SORCS2: variants seen among roughly 807,000 people sequenced by gnomAD.
SORCS2 encodes the protein VPS10 domain-containing receptor SorCS2.
Under a neutral mutation model 141.6 loss-of-function variants are expected in SORCS2, and 100 were observed. The observed-to-expected ratio is 0.71, with a 90% confidence interval of 0.60 to 0.83. The LOEUF (loss-of-function observed/expected upper bound fraction) is 0.83. Among genes scored for constraint, SORCS2 ranks in the 40% least tolerant of loss-of-function variants. The pLI is 0.00. For synonymous variants in SORCS2, 789 were observed against 676.9 expected (o/e 1.17, Z -2.57); for missense variants, 1,646 against 1,560.2 (o/e 1.05, Z -0.93).
At chr4:7,698,756 G>C (rs1013977343) in intron 12 of SORCS2, among the ~76,000 whole-genome samples, 2 of 152,278 alleles carry the variant, frequency 1.3e-5, no homozygotes, top group African/African-American at 4.8e-5. Context: ...ATGGCGCAGT[G>C]CAGGAAGGAG....
At chr4:7,733,244 G>C (rs1711848841) in intron 23 of SORCS2, 78 bp from the exon 24 acceptor site, 1 of 1,101,252 alleles carries the variant, frequency 9.1e-7, no homozygotes, top group African/African-American at 1.7e-5. Flanking sequence ...CCCTCCTGGA[G>C]GAGGACCCCA....
chr4:7,301,693 C>T (rs1382824160), intron 1 of SORCS2, among the ~76,000 whole-genome samples: 1 of 152,228 alleles, frequency 6.6e-6, no homozygotes, highest in Non-Finnish European at 1.5e-5. Flanking sequence ...TTTGTGGCCC[C>T]AGCAGAAAAT....
chr4:7,259,717 G>A (rs1490994583), intron 1 of SORCS2, among the ~76,000 whole-genome samples: 1 of 152,202 alleles, frequency 6.6e-6, no homozygotes, highest in Non-Finnish European at 1.5e-5. Context: ...TCCATTTCCT[G>A]TTTCTCTTCT....
rs190379749 is a variant in SORCS2 at position 7,361,215 on chromosome 4, G to T, written c.481-35073G>T. ...TTATGCCTAATTGTGCCACATAGAT[G>T]CCAAGTGGATTTTTCAATGATGATT... On this transcript the variant is annotated intron_variant, in intron 1 of 26. Coordinates refer to ENST00000507866, the MANE Select transcript of SORCS2 (RefSeq NM_020777.3). Among the ~76,000 whole-genome samples, 369 of 152,308 alleles carry T rather than the reference G, an allele frequency of 2.4e-3. 15 individuals are homozygous for T. Among genetic ancestry groups the T allele is most frequent in the Admixed American group, 0.024 (366 of 15,296 alleles).
chr4:7,197,626 G>A (rs1727247471), intron 1 of SORCS2, among the ~76,000 whole-genome samples: 2 of 152,160 alleles, frequency 1.3e-5, no homozygotes, highest in South Asian at 2.1e-4. Flanking sequence ...AGGTCTGGGG[G>A]GTAGGAATTT....
At chr4:7,485,523 ATCTCCTCTAGCT>A (rs1363027678) in intron 2 of SORCS2, among the ~76,000 whole-genome samples, 1 of 152,232 alleles carries the variant, frequency 6.6e-6, no homozygotes, top group Non-Finnish European at 1.5e-5. Context: ...ATGGGAAGCC[ATCTCCTCTAGCT>A]TCTCCCTGGC....
chr4:7,281,882 G>A (rs546333358), intron 1 of SORCS2, among the ~76,000 whole-genome samples: 3 of 152,156 alleles, frequency 2.0e-5, no homozygotes, highest in Non-Finnish European at 4.4e-5. Context: ...GATGAGTGCC[G>A]AGGGACCGCA....
At chr4:7,498,804 G>A (rs1015349360) in intron 2 of SORCS2, among the ~76,000 whole-genome samples, 2 of 152,220 alleles carry the variant, frequency 1.3e-5, no homozygotes, top group Non-Finnish European at 2.9e-5. Flanking sequence ...GCAACCCCTG[G>A]CCCTCCCTCT....
At chr4:7,251,013 C>T (rs1713475455) in intron 1 of SORCS2, among the ~76,000 whole-genome samples, 1 of 152,240 alleles carries the variant, frequency 6.6e-6, no homozygotes, top group Non-Finnish European at 1.5e-5. Flanking sequence ...CCCTGTCTGC[C>T]ACCAAAGACT....
chr4:7,704,986 G>C (rs544885485), intron 14 of SORCS2, among the ~76,000 whole-genome samples: 3 of 152,312 alleles, frequency 2.0e-5, no homozygotes, highest in East Asian at 1.9e-4. Flanking sequence ...GCCTTTCACG[G>C]TGATGCCTGA....
intron 1 of SORCS2, among the ~76,000 whole-genome samples, chr4:7,236,304 C>G (rs1266183334): frequency 2.0e-5 from 3 of 152,124 alleles, no homozygotes; most frequent in Non-Finnish European, 4.4e-5. Context: ...AGGGCAGGAG[C>G]CACGTGGGTA....
intron 1 of SORCS2, among the ~76,000 whole-genome samples, chr4:7,327,577 G>T (rs560965906): frequency 6.5e-4 from 99 of 152,360 alleles, no homozygotes; most frequent in Non-Finnish European, 1.2e-3. Context: ...TCCCGGCTGC[G>T]TGGCTGCTTC....
intron 1 of SORCS2, among the ~76,000 whole-genome samples, chr4:7,358,083 C>G (rs530460946): frequency 6.6e-6 from 1 of 152,180 alleles, no homozygotes; most frequent in African/African-American, 2.4e-5. Context: ...GAAAATAATA[C>G]ATCTGGTCTC....
At chr4:7,214,067 A>G (rs1340121517) in intron 1 of SORCS2, among the ~76,000 whole-genome samples, 1 of 152,154 alleles carries the variant, frequency 6.6e-6, no homozygotes. Flanking sequence ...GTGGGAGAGA[A>G]GGTGAGTCAC....
chr4:7,223,727 G>A (rs537685449), intron 1 of SORCS2, among the ~76,000 whole-genome samples: 14 of 152,270 alleles, frequency 9.2e-5, no homozygotes, highest in Admixed American at 7.8e-4. Flanking sequence ...GCCTCCTGGT[G>A]CCTTCCTGGG....
At chr4:7,726,450 G>C (rs4689156) in intron 20 of SORCS2, among the ~76,000 whole-genome samples, 116,193 of 152,090 alleles carry the variant, frequency 0.76, 44,597 homozygotes, top group East Asian at 0.89. Flanking sequence ...GTGCATACAT[G>C]TGTAGGCCCA....
At chr4:7,598,933 G>T (rs1717468014) in intron 3 of SORCS2, among the ~76,000 whole-genome samples, 1 of 152,198 alleles carries the variant, frequency 6.6e-6, no homozygotes, top group African/African-American at 2.4e-5. Context: ...GGGCCTTGCT[G>T]GCCACAGCCT....
At chr4:7,625,527 G>A (rs1007977035) in intron 3 of SORCS2, among the ~76,000 whole-genome samples, 6 of 151,808 alleles carry the variant, frequency 4.0e-5, no homozygotes, top group Non-Finnish European at 8.8e-5. Flanking sequence ...AAGCAGAGAC[G>A]AGCCCGGGAG....
intron 1 of SORCS2, among the ~76,000 whole-genome samples, chr4:7,255,254 T>C (rs1041962468): frequency 1.3e-5 from 2 of 151,860 alleles, no homozygotes; most frequent in African/African-American, 4.8e-5. Context: ...CCGTGGGCCT[T>C]GGGAGAATCT....
Sources: allele counts gnomAD v4.1 joint callset (sites outside exome capture counted in the v4.1 genomes callset), GRCh38; gene constraint gnomAD v4.1.1; transcripts MANE v1.5; gene names NCBI Gene and HGNC (gene_info 2026-07-23, HGNC 2026-07-21).